Variants in MPRIP observed in about 807,000 individuals in gnomAD.
The protein encoded by MPRIP is myosin phosphatase Rho-interacting protein.
Under a neutral mutation model 234.9 loss-of-function variants are expected in MPRIP, and 59 were observed. That is an observed-to-expected ratio of 0.25 (90% CI 0.20 to 0.31). The LOEUF is 0.31. MPRIP is among the 10% of genes least tolerant of loss of function. The pLI, the probability that MPRIP is intolerant of heterozygous loss-of-function variation, is 1.00. For synonymous variants in MPRIP, 1,144 were observed against 1,263.9 expected (o/e 0.91, Z 2.01); for missense variants, 2,436 against 3,071.0 (o/e 0.79, Z 4.89).
chr17:17,180,143 G>C, intron 23 of MPRIP, 55 bp downstream of exon 23: 3 of 1,403,734 alleles, frequency 2.1e-6, no homozygotes, highest in Non-Finnish European at 2.9e-6. Flanking sequence ...ACTGGGGAGA[G>C]TAGCCCAAAT....
chr17:17,083,736 T>G (rs1258418022), intron 3 of MPRIP, among the ~76,000 whole-genome samples: 2 of 151,906 alleles, frequency 1.3e-5, no homozygotes, highest in African/African-American at 2.4e-5. Context: ...TGTTGTTGTT[T>G]TTGTTTTTGT....
In MPRIP at chr17:17,166,721, A is replaced by G. The variant is rs1213366036; in HGVS notation, c.5130A>G (p.Glu1710=). ...ALRQHKCLLR[E]ILGAYQTPDF... ...GGCAGCACAAATGCCTGCTGAGGGAAATCCTGGGAGCCTACCAAACCCCAG... is the reference window on the plus strand; with the variant it reads ...GGCAGCACAAATGCCTGCTGAGGGAGATCCTGGGAGCCTACCAAACCCCAG... The change falls in exon 16 of 24, where the codon GAA becomes GAG. Residue 1710 remains glutamate (E), a synonymous_variant. Coordinates refer to ENST00000651222, the MANE Select transcript of MPRIP (RefSeq NM_001364716.4). This position sits in a 1 kb window ranked among gnomAD's most constrained non-coding sequence, Gnocchi z 4.4. 7.7e-7 allele frequency: 1 copy of G among 1,304,004 alleles called. No homozygotes were observed. Among genetic ancestry groups the G allele is most frequent in the African/African-American group, 1.5e-5 (1 of 65,862 alleles). The allele number at this position is 1,304,004 out of a possible 1,614,324, so 80.8% of individuals were successfully genotyped here.
chr17:17,106,665 G>A (rs2090068906), intron 3 of MPRIP, among the ~76,000 whole-genome samples: 1 of 152,200 alleles, frequency 6.6e-6, no homozygotes, highest in Admixed American at 6.5e-5. Context: ...TGGGAGGCAG[G>A]TCAGTCTCAG....
intron 7 of MPRIP, among the ~76,000 whole-genome samples, chr17:17,139,628 G>A (rs1040494922): frequency 6.6e-6 from 1 of 152,152 alleles, no homozygotes; most frequent in Non-Finnish European, 1.5e-5. Context: ...GGCAGGTGGA[G>A]GGAAGTGTCT....
intron 7 of MPRIP, among the ~76,000 whole-genome samples, chr17:17,139,255 C>T (rs1474014414): frequency 6.6e-6 from 1 of 152,248 alleles, no homozygotes; most frequent in Non-Finnish European, 1.5e-5. Context: ...CCAAGCACGC[C>T]TTCAATCAGG....
intron 3 of MPRIP, among the ~76,000 whole-genome samples, chr17:17,100,474 A>G (rs1053673016): frequency 2.6e-5 from 4 of 152,188 alleles, no homozygotes; most frequent in Non-Finnish European, 1.5e-5. Flanking sequence ...CTGTTGGCTC[A>G]GGGGTCCCCA....
chr17:17,167,581 C>G lies in MPRIP; in HGVS notation c.5990C>G (p.Thr1997Ser), dbSNP rs1303933584. Residue 1997 changes from threonine (T) to serine (S), a missense_variant, in exon 16 of 24, where the codon ACC becomes AGC. By Grantham distance (58) the Thr-to-Ser change is moderately conservative. Transcript: ENST00000651222. The surrounding 1 kb of genome is among the most constrained non-coding windows in gnomAD (Gnocchi z 5.9). ...AGGCATCATGGTGAGCAGATACAGA[C>G]CCTGGAGGACAGGTTCCAGCTCAAG... Reference protein sequence around the residue: ...MERHHGEQIQTLEDRFQLKVR... With the variant: ...MERHHGEQIQSLEDRFQLKVR... The G allele has an allele frequency of 3.1e-6, 4 of 1,304,130 alleles. No homozygotes were observed. The highest frequency in any genetic ancestry group is 4.0e-6 in the Non-Finnish European group (4 of 988,962). The allele number at this position is 1,304,130 out of a possible 1,614,324, so 80.8% of individuals were successfully genotyped here. A position where few individuals can be genotyped will look rare whatever the true frequency, so the allele number is the denominator to read the frequency against.
chr17:17,131,773 A>T (rs747014431), intron 5 of MPRIP, 72 bp downstream of exon 5: 116 of 1,386,672 alleles, frequency 8.4e-5, no homozygotes, highest in Non-Finnish European at 1.1e-4. Flanking sequence ...GGGCTCCCTG[A>T]GGTTAGAGGG....
At chr17:17,131,103 C>A (rs2090588031) in intron 4 of MPRIP, among the ~76,000 whole-genome samples, 1 of 152,188 alleles carries the variant, frequency 6.6e-6, no homozygotes, top group Non-Finnish European at 1.5e-5. Context: ...TCTGCCCAGC[C>A]TTCCTCAAAG....
At chr17:17,147,207 T>C in intron 10 of MPRIP, 112 bp from the exon 11 acceptor site, 1 of 1,002,772 alleles carries the variant, frequency 1.0e-6, no homozygotes, top group Non-Finnish European at 1.6e-6. Flanking sequence ...GTCCCCTGCT[T>C]TCCCTGTGCT....
intron 3 of MPRIP, among the ~76,000 whole-genome samples, chr17:17,083,892 C>T (rs1180371782): frequency 6.6e-6 from 1 of 152,102 alleles, no homozygotes; most frequent in Non-Finnish European, 1.5e-5. Flanking sequence ...TACAGGCCCG[C>T]GCCACCATGC....
intron 23 of MPRIP, among the ~76,000 whole-genome samples, chr17:17,180,378 C>T (rs994504620): frequency 6.6e-6 from 1 of 152,248 alleles, no homozygotes; most frequent in Non-Finnish European, 1.5e-5. Flanking sequence ...CTGCTCATGT[C>T]GGCCTGCTGT....
intron 3 of MPRIP, among the ~76,000 whole-genome samples, chr17:17,122,473 C>T (rs922921221): frequency 3.3e-5 from 5 of 152,216 alleles, no homozygotes; most frequent in African/African-American, 1.2e-4. Context: ...CCTGCCTCAG[C>T]CTCCCGAGTA....
At chr17:17,074,406 TA>T in intron 1 of MPRIP, among the ~76,000 whole-genome samples, 1 of 152,364 alleles carries the variant, frequency 6.6e-6, no homozygotes, top group Middle Eastern at 3.4e-3. Flanking sequence ...TGGTAAAATA[TA>T]GCAGTGCCTC....
At chr17:17,127,560 T>C (rs1041259926) in intron 4 of MPRIP, among the ~76,000 whole-genome samples, 13 of 152,342 alleles carry the variant, frequency 8.5e-5, no homozygotes, top group African/African-American at 3.1e-4. Context: ...GCCTGGGCCA[T>C]GGTGAAAAGC....
In MPRIP at chr17:17,150,438, C is replaced by T. The variant is rs180949332; in HGVS notation, c.1719+205C>T. On this transcript the variant is annotated intron_variant, in intron 12 of 23. Transcript: ENST00000651222. ...TTTGTGATGTGAACAGTACATTAGACGTTAGTATCTTTTTTCTGAAGACTG... is the reference window on the plus strand; with the variant it reads ...TTTGTGATGTGAACAGTACATTAGATGTTAGTATCTTTTTTCTGAAGACTG... Among the ~76,000 whole-genome samples, 19 of 152,254 alleles carry T rather than the reference C, an allele frequency of 1.2e-4. No homozygotes were observed. The East Asian group carries it at 3.5e-3, about 28-fold the overall frequency.
chr17:17,042,777 C>G lies in MPRIP; in HGVS notation c.-72C>G. 9.9e-7 allele frequency: 1 copy of G among 1,013,708 alleles called. No individual in the cohort carries two copies. Among genetic ancestry groups the G allele is most frequent in the Non-Finnish European group, 1.2e-6 (1 of 850,978 alleles). The allele number at this position is 1,013,708 out of a possible 1,614,324, so 62.8% of individuals were successfully genotyped here. A position where few individuals can be genotyped will look rare whatever the true frequency, so the allele number is the denominator to read the frequency against. On this transcript the variant is annotated 5_prime_UTR_variant, in exon 1 of 24. Transcript: ENST00000651222. ...GATGCGGCGCGGCCGCGCTGAGCCC[C>G]TAGCCCGCCGGGAGCGCCAGGCCGG... is the stretch of plus-strand genomic sequence containing the variant.
chr17:17,175,636 G>C (rs865813621), intron 20 of MPRIP, among the ~76,000 whole-genome samples: 1 of 152,188 alleles, frequency 6.6e-6, no homozygotes, highest in Admixed American at 6.5e-5. Context: ...GGGCTGTGGG[G>C]ATCCTGACCC....
At position 17,126,696 on chromosome 17, in the gene MPRIP, T is replaced by G. The variant is rs756560166; in HGVS notation, c.268-6T>G. The stretch of plus-strand genomic sequence containing the variant: ...CTCTGGGTGACTCTCTGCCGCCTTC[T>G]TCCAGCCCACGACCCTTCCTCAGGG... On this transcript the variant is annotated splice_region_variant and splice_polypyrimidine_tract_variant and intron_variant, in intron 3 of 23. Coordinates refer to ENST00000651222, the MANE Select transcript of MPRIP (RefSeq NM_001364716.4). 2 of 1,608,192 alleles carry G rather than the reference T, an allele frequency of 1.2e-6. No homozygotes were observed. Among genetic ancestry groups the G allele is most frequent in the Non-Finnish European group, 1.7e-6 (2 of 1,176,904 alleles).
Sources: gnomAD v4.1 joint callset for allele counts (sites outside exome capture counted in the v4.1 genomes callset) on GRCh38, gnomAD v4.1.1 for gene constraint, Gnocchi (gnomAD v3.1) non-coding constraint, MANE v1.5 for transcripts, NCBI Gene and HGNC (gene_info 2026-07-23, HGNC 2026-07-21) for gene names.